KIAA1328: variants seen among roughly 807,000 people sequenced by gnomAD.
The protein encoded by KIAA1328 is KIAA1328.
In KIAA1328, 52 loss-of-function variants were observed where a neutral mutation model predicts 68.1. That is an observed-to-expected ratio of 0.76 (90% CI 0.61 to 0.96). The LOEUF (loss-of-function observed/expected upper bound fraction) is 0.96. KIAA1328 is among the 40% of genes least tolerant of loss of function. KIAA1328 has a pLI of 0.00. For missense variants in KIAA1328, 641 were observed against 677.6 expected (o/e 0.95, Z 0.60); for synonymous variants, 232 against 239.4 (o/e 0.97, Z 0.28).
intron 6 of KIAA1328, among the ~76,000 whole-genome samples, chr18:37,053,996 G>A (rs1187167900): frequency 1.3e-5 from 2 of 150,016 alleles, no homozygotes; most frequent in Admixed American, 1.3e-4. Context: ...GTAGGCAAAC[G>A]ACATGAACAG....
intron 7 of KIAA1328, among the ~76,000 whole-genome samples, chr18:37,154,243 G>C (rs1382242013): frequency 6.6e-6 from 1 of 152,244 alleles, no homozygotes; most frequent in East Asian, 1.9e-4. Flanking sequence ...CGACAAGTGG[G>C]TGAGACTCAG....
chr18:36,938,870 C>T (rs757627881), intron 5 of KIAA1328, among the ~76,000 whole-genome samples: 4 of 152,080 alleles, frequency 2.6e-5, no homozygotes, highest in Non-Finnish European at 5.9e-5. Flanking sequence ...TTCTTGGCAC[C>T]TTTGCTGAAA....
chr18:37,178,794 A>T (rs926012821), intron 9 of KIAA1328, among the ~76,000 whole-genome samples: 4 of 152,040 alleles, frequency 2.6e-5, no homozygotes, highest in Non-Finnish European at 5.9e-5. Flanking sequence ...GTGATATTTC[A>T]TTGTGGTTTT....
chr18:36,892,345 A>G lies in KIAA1328; in HGVS notation c.448+6673A>G, dbSNP rs548015832. The stretch of plus-strand genomic sequence containing the variant: ...ATAGTTTTGGGAAAGTAAAAAACCT[A>G]AAGTTCTTAAAATGAAGAAGACTGT... On this transcript the variant is annotated intron_variant, in intron 5 of 9. Coordinates refer to ENST00000280020, the MANE Select transcript of KIAA1328 (RefSeq NM_020776.3). 1.5e-4 allele frequency among the ~76,000 whole-genome samples: 23 copies of G among 152,332 alleles called. 1 individual carries two copies. The East Asian group carries it at 2.1e-3, about 14-fold the overall frequency.
chr18:37,229,759 AC>A (rs760271580), downstream of KIAA1328: 3 of 253,478 alleles, frequency 1.2e-5, no homozygotes, highest in Non-Finnish European at 2.3e-5. Flanking sequence ...GGTGGCACGC[AC>A]CTGTAGTCCC....
chr18:37,194,651 C>CTTTGT (rs1568519863), intron 9 of KIAA1328, among the ~76,000 whole-genome samples: 1 of 151,834 alleles, frequency 6.6e-6, no homozygotes, highest in Non-Finnish European at 1.5e-5. Context: ...GTTATGGTTG[C>CTTTGT]TTTGTTTTGT....
intron 5 of KIAA1328, among the ~76,000 whole-genome samples, chr18:36,933,354 C>T (rs2050381961): frequency 3.9e-5 from 6 of 152,220 alleles, no homozygotes; most frequent in Middle Eastern, 3.4e-3. Context: ...CTTGGTGGGG[C>T]CCCCTCCAAT....
chr18:36,881,624 T>G (rs563347054), intron 4 of KIAA1328, among the ~76,000 whole-genome samples: 4 of 152,124 alleles, frequency 2.6e-5, no homozygotes, highest in Admixed American at 6.6e-5. Context: ...CACCAATCCT[T>G]CCTAGCCCCA....
chr18:37,034,372 A>G (rs2054948924), intron 6 of KIAA1328, among the ~76,000 whole-genome samples: 1 of 152,208 alleles, frequency 6.6e-6, no homozygotes. Context: ...AAACTGATGT[A>G]TAACAGGAGT....
intron 9 of KIAA1328, among the ~76,000 whole-genome samples, chr18:37,178,765 C>T (rs2059643125): frequency 6.6e-6 from 1 of 152,076 alleles, no homozygotes; most frequent in Non-Finnish European, 1.5e-5. Context: ...TTGGTAACAG[C>T]CATTCTGACA....
chr18:37,133,688 G>A (rs1428727227), intron 7 of KIAA1328, among the ~76,000 whole-genome samples: 1 of 151,628 alleles, frequency 6.6e-6, no homozygotes, highest in Non-Finnish European at 1.5e-5. Context: ...ACAATGCCTG[G>A]CTAATTTTTT....
Position 37,222,148 on chromosome 18 carries a change from C to A in KIAA1328, c.1655C>A (p.Thr552Asn). The A allele has an allele frequency of 6.2e-7, 1 of 1,609,688 alleles. No homozygotes were observed. ...GTFRLSPLKS[T>N]RKKMGMHRTP... The stretch of plus-strand genomic sequence containing the variant: ...TTCCGACTCAGTCCTCTAAAATCAA[C>A]CCGGAAGAAGATGGGGATGCACAGA... Residue 552 changes from threonine to asparagine, a missense_variant, in exon 10 of 10, where the codon ACC becomes AAC. Physicochemically the swap from Thr to Asn is moderately conservative, Grantham distance 65 (BLOSUM62 0). Coordinates refer to ENST00000280020, the MANE Select transcript of KIAA1328 (RefSeq NM_020776.3).
intron 4 of KIAA1328, among the ~76,000 whole-genome samples, chr18:36,849,538 CCTT>C (rs1248655702): frequency 3.9e-5 from 6 of 152,002 alleles, no homozygotes; most frequent in Non-Finnish European, 7.4e-5. Flanking sequence ...ATTCTGTCCA[CCTT>C]CTTTCTATTA....
intron 6 of KIAA1328, among the ~76,000 whole-genome samples, chr18:37,052,057 A>G (rs929456951): frequency 6.6e-6 from 1 of 151,808 alleles, no homozygotes; most frequent in Non-Finnish European, 1.5e-5. Flanking sequence ...AAAAAAAACT[A>G]CAGGCCAGTA....
At chr18:37,211,652 T>A (rs1471628407) in intron 9 of KIAA1328, among the ~76,000 whole-genome samples, 2 of 152,228 alleles carry the variant, frequency 1.3e-5, no homozygotes, top group African/African-American at 4.8e-5. Flanking sequence ...CTGAAGGTAA[T>A]TTGCTATTGT....
intron 9 of KIAA1328, among the ~76,000 whole-genome samples, chr18:37,211,255 T>C (rs1208869821): frequency 1.3e-5 from 2 of 152,218 alleles, no homozygotes; most frequent in Non-Finnish European, 2.9e-5. Context: ...AAAAACCACT[T>C]GGCTCTGCCA....
chr18:37,030,842 C>G (rs865855035), intron 6 of KIAA1328, among the ~76,000 whole-genome samples: 1 of 152,042 alleles, frequency 6.6e-6, no homozygotes, highest in Non-Finnish European at 1.5e-5. Flanking sequence ...ATGCCCCCAC[C>G]CCCCGACAGG....
At chr18:37,019,065 T>G (rs1013196309) in intron 6 of KIAA1328, among the ~76,000 whole-genome samples, 3 of 152,212 alleles carry the variant, frequency 2.0e-5, no homozygotes, top group African/African-American at 7.2e-5. Context: ...ACTTCTAATT[T>G]TTTGTAATTA....
chr18:37,082,789 A>T (rs1321784091), intron 7 of KIAA1328, among the ~76,000 whole-genome samples: 2 of 152,214 alleles, frequency 1.3e-5, no homozygotes, highest in Non-Finnish European at 2.9e-5. Context: ...ATCAGAGAAG[A>T]TTTATCCAGA....
Sources: allele counts gnomAD v4.1 joint callset (sites outside exome capture counted in the v4.1 genomes callset), GRCh38; gene constraint gnomAD v4.1.1; transcripts MANE v1.5; gene names NCBI Gene and HGNC (gene_info 2026-07-23, HGNC 2026-07-21).